The following DMAC2L variants were observed in gnomAD, a reference collection of about 807,000 sequenced individuals.
The protein encoded by DMAC2L is ATP synthase subunit s, mitochondrial.
DMAC2L carries 21 observed loss-of-function variants against 22.5 expected under a neutral mutation model. The ratio of observed to expected loss-of-function variants is 0.93; its 90% CI spans 0.66 to 1.34. The LOEUF is 1.34. Among genes scored for constraint, DMAC2L ranks in the 40% most tolerant of loss-of-function variants. The pLI, the probability that DMAC2L is intolerant of heterozygous loss-of-function variation, is 0.00. For missense variants in DMAC2L, 239 were observed against 246.5 expected (o/e 0.97, Z 0.20); for synonymous variants, 86 against 89.5 (o/e 0.96, Z 0.22).
At chr14:50,311,973 A>G, upstream of DMAC2L, 1 of 1,544,500 alleles carries the variant, frequency 6.5e-7, no homozygotes, top group African/African-American at 1.4e-5. Flanking sequence ...CGCGAGGGGC[A>G]GCAGCGCAGG....
Position 50,322,069 on chromosome 14 carries a change from C to T in DMAC2L, c.108-442C>T, listed in dbSNP as rs369775811. 5.9e-5 allele frequency among the ~76,000 whole-genome samples: 9 copies of T among 152,106 alleles called. No homozygotes were observed. In the East Asian group the frequency reaches 9.6e-4, roughly 16 times the overall value. The stretch of plus-strand genomic sequence containing the variant: ...TATGATCACTAGCTAGAGAAAAAAG[C>T]ATATGTAGAAATTAATAAATATCAC... On this transcript the variant is annotated intron_variant, in intron 3 of 5. Coordinates refer to ENST00000557421, the MANE Select transcript of DMAC2L (RefSeq NM_001382507.1).
At chr14:50,320,293 T>G (rs909189455) in intron 2 of DMAC2L, among the ~76,000 whole-genome samples, 1 of 151,878 alleles carries the variant, frequency 6.6e-6, no homozygotes, top group Non-Finnish European at 1.5e-5. Context: ...GTATTTTTAG[T>G]AGAGACAGAG....
chr14:50,321,625 T>G, intron 3 of DMAC2L, 31 bp downstream of exon 3: 1 of 1,509,320 alleles, frequency 6.6e-7, no homozygotes, highest in Non-Finnish European at 9.2e-7. Flanking sequence ...TGAAGAAATG[T>G]GGAGATGGTT....
chr14:50,318,218 C>T (rs1490361871), intron 2 of DMAC2L, among the ~76,000 whole-genome samples: 1 of 152,184 alleles, frequency 6.6e-6, no homozygotes, highest in Non-Finnish European at 1.5e-5. Context: ...GAGGTCTCCT[C>T]TTTCCCTATA....
At chr14:50,317,166 C>G (rs868751544) in intron 2 of DMAC2L, among the ~76,000 whole-genome samples, 2 of 151,944 alleles carry the variant, frequency 1.3e-5, no homozygotes, top group Admixed American at 1.3e-4. Context: ...TAGGCATATT[C>G]CTAAGTTTTT....
intron 2 of DMAC2L, chr14:50,319,343 C>T (rs1421029703): frequency 4.6e-6 from 7 of 1,535,744 alleles, no homozygotes; most frequent in African/African-American, 2.7e-5. Context: ...CACTGTTCCA[C>T]GGCCTCAGCA....
upstream of DMAC2L, chr14:50,311,988 G>A (rs2031241987): frequency 1.3e-6 from 2 of 1,550,574 alleles, no homozygotes; most frequent in Non-Finnish European, 1.7e-6. Context: ...CGCAGGCGGC[G>A]GGGAGGACCA....
chr14:50,321,243 TG>T, intron 2 of DMAC2L: 1 of 486,410 alleles, frequency 2.1e-6, no homozygotes. Context: ...GTTTCAACAG[TG>T]GAACTTAACG....
chr14:50,319,007 A>G (rs895128487), intron 2 of DMAC2L: 18 of 985,300 alleles, frequency 1.8e-5, no homozygotes, highest in Non-Finnish European at 2.2e-5. Context: ...CATTCAATAA[A>G]CATTTTTTGA....
chr14:50,323,874 C>A, intron 4 of DMAC2L, 71 bp from the exon 5 acceptor site: 1 of 1,355,632 alleles, frequency 7.4e-7, no homozygotes, highest in Non-Finnish European at 1.0e-6. Flanking sequence ...CCAAGTCAGT[C>A]GTGGGCAAAC....
intron 1 of DMAC2L, chr14:50,312,713 C>G: frequency 2.6e-6 from 1 of 387,980 alleles, no homozygotes; most frequent in Non-Finnish European, 4.6e-6. Flanking sequence ...GGGCACCCAC[C>G]GTCTCCATCC....
At chr14:50,325,194 G>GT (rs2139327151) in intron 5 of DMAC2L, among the ~76,000 whole-genome samples, 1 of 152,254 alleles carries the variant, frequency 6.6e-6, no homozygotes, top group East Asian at 1.9e-4. Flanking sequence ...ATCACAGGAA[G>GT]TTTAAGAAAT....
At chr14:50,313,746 T>G (rs897650919) in intron 1 of DMAC2L, among the ~76,000 whole-genome samples, 2 of 152,242 alleles carry the variant, frequency 1.3e-5, no homozygotes, top group African/African-American at 4.8e-5. Context: ...TTCCTCATTT[T>G]GTATTAGTGT....
chr14:50,314,257 A>G (rs559338551), intron 1 of DMAC2L, among the ~76,000 whole-genome samples: 62 of 152,262 alleles, frequency 4.1e-4, no homozygotes, highest in African/African-American at 1.4e-3. Context: ...GAGCCTCACA[A>G]GATGTGATGG....
intron 2 of DMAC2L, among the ~76,000 whole-genome samples, chr14:50,320,761 C>T (rs1158810641): frequency 2.6e-5 from 4 of 152,218 alleles, no homozygotes; most frequent in Admixed American, 6.5e-5. Flanking sequence ...ATCTCCTCCT[C>T]CCTGCCACAT....
rs372190276 is a variant in DMAC2L at position 50,321,475 on chromosome 14, G to T, written c.-5-8G>T. ...TGATCTAATGTAAGTACTGTTTTGTGTGTCTAGATCAAATGATGCCGTTTG... is the reference window on the plus strand; with the variant it reads ...TGATCTAATGTAAGTACTGTTTTGTTTGTCTAGATCAAATGATGCCGTTTG... On this transcript the variant is annotated splice_region_variant and splice_polypyrimidine_tract_variant and intron_variant, in intron 2 of 5. Transcript: ENST00000557421. 6.2e-7 allele frequency: 1 copy of T among 1,613,378 alleles called. No individual in the cohort carries two copies. Among genetic ancestry groups the T allele is most frequent in the Non-Finnish European group, 8.5e-7 (1 of 1,179,460 alleles).
Position 50,327,127 on chromosome 14 carries a change from G to C in DMAC2L, c.*1404G>C, listed in dbSNP as rs2032735652. On this transcript the variant is annotated 3_prime_UTR_variant, in exon 6 of 6. Transcript: ENST00000557421. Reference sequence around the variant, plus strand: ...CAGATCATTTGAGCCCAGGAGTTCAGGACGAGCCTGGGCAACATGGCAAAA... The same window carrying C: ...CAGATCATTTGAGCCCAGGAGTTCACGACGAGCCTGGGCAACATGGCAAAA... The C allele has an allele frequency of 6.8e-6, 1 of 146,758 alleles. No individual in the cohort carries two copies. The highest frequency in any genetic ancestry group is 1.5e-5 in the Non-Finnish European group (1 of 67,912). The allele number at this position is 146,758 out of a possible 1,614,324, so 9.1% of individuals were successfully genotyped here. A position where few individuals can be genotyped will look rare whatever the true frequency, so the allele number is the denominator to read the frequency against.
In DMAC2L at chr14:50,325,613, C is replaced by G; in HGVS notation, c.493C>G (p.Leu165Val). 6.2e-7 allele frequency: 1 copy of G among 1,603,716 alleles called. No homozygotes were observed. The highest frequency in any genetic ancestry group is 8.5e-7 in the Non-Finnish European group (1 of 1,174,684). Residue 165 changes from leucine (L) to valine (V), a missense_variant, in exon 6 of 6, where the codon CTC becomes GTC. Physicochemically the swap from Leu to Val is conservative, Grantham distance 32. Transcript: ENST00000557421. ...GACTTTTTTCTTTATTTGCAGAAACCTCAAATATTTGTTGTTAAGTGATCT... is the reference window on the plus strand; with the variant it reads ...GACTTTTTTCTTTATTTGCAGAAACGTCAAATATTTGTTGTTAAGTGATCT... ...GIIALRHLRN[L>V]KYLLLSDLPG...
rs1015256336 is a variant in DMAC2L, at chr14:50,312,360, C to G, written c.-71C>G. 1.5e-6 allele frequency: 1 copy of G among 654,250 alleles called. No homozygotes were observed. The highest frequency in any genetic ancestry group is 2.6e-6 in the Non-Finnish European group (1 of 384,512). The allele number at this position is 654,250 out of a possible 1,614,324, so 40.5% of individuals were successfully genotyped here. A position where few individuals can be genotyped will look rare whatever the true frequency, so the allele number is the denominator to read the frequency against. ...GGTGCCGCAGACGCGGGGACGCTGG[C>G]TCGCTCCCTCCCTCCCTCCCTCCGA... On this transcript the variant is annotated 5_prime_UTR_variant, in exon 1 of 6. Transcript: ENST00000557421.
Sources: allele counts gnomAD v4.1 joint callset (sites outside exome capture counted in the v4.1 genomes callset), GRCh38; gene constraint gnomAD v4.1.1; transcripts MANE v1.5; gene names NCBI Gene and HGNC (gene_info 2026-07-23, HGNC 2026-07-21).